Variants in IGFL2 observed in about 807,000 individuals in gnomAD.
IGFL2 encodes the protein IGF like family member 2.
IGFL2 carries 7 observed loss-of-function variants against 13.9 expected under a neutral mutation model. That is an observed-to-expected ratio of 0.51 (90% CI 0.29 to 0.95). The LOEUF (loss-of-function observed/expected upper bound fraction) is 0.95, where lower values mean the gene tolerates loss of function less well. Among genes scored for constraint, IGFL2 ranks in the 40% least tolerant of loss-of-function variants. The pLI, the probability that IGFL2 is intolerant of heterozygous loss-of-function variation, is 0.08. For missense variants in IGFL2, 138 were observed against 147.8 expected, an observed-to-expected ratio of 0.93 and a Z score of 0.34; for synonymous variants, 55 against 55.8, an observed-to-expected ratio of 0.99 and a Z score of 0.07.
chr19:46,118,984 C>T, the IGFL2 span, among the ~76,000 whole-genome samples: 18 of 152,122 alleles, frequency 1.2e-4, no homozygotes. Flanking sequence ...CTTATACATA[C>T]TCAAGATAAT....
the IGFL2 span, chr19:46,208,190 T>C: frequency 6.6e-6 from 1 of 152,294 alleles, no homozygotes; most frequent in Admixed American, 6.5e-5. Flanking sequence ...TTCCCAGCCC[T>C]TCCTCAGTCA....
the IGFL2 span, among the ~76,000 whole-genome samples, chr19:46,100,851 A>G: frequency 1.3e-5 from 2 of 151,906 alleles, no homozygotes; most frequent in Non-Finnish European, 2.9e-5. Context: ...ATTCTTTCTC[A>G]TCTTCATAAG....
the IGFL2 span, among the ~76,000 whole-genome samples, chr19:46,081,165 C>T: frequency 1.3e-5 from 2 of 152,182 alleles, no homozygotes; most frequent in Non-Finnish European, 2.9e-5. Flanking sequence ...AGATACATAA[C>T]GCTTATTTCA....
chr19:46,148,338 T>C, intron 1 of IGFL2, 41 bp downstream of exon 1: 2 of 1,512,254 alleles, frequency 1.3e-6, no homozygotes, highest in Non-Finnish European at 1.8e-6. Context: ...ATGCCTACTG[T>C]TATCCCTAAT....
the IGFL2 span, among the ~76,000 whole-genome samples, chr19:46,193,727 G>A: frequency 1.3e-5 from 2 of 152,146 alleles, no homozygotes; most frequent in African/African-American, 4.8e-5. Flanking sequence ...TGTGGTAACT[G>A]TTACAATATA....
At chr19:46,145,070 A>G (rs1053474548), upstream of IGFL2, among the ~76,000 whole-genome samples, 1 of 152,158 alleles carries the variant, frequency 6.6e-6, no homozygotes, top group African/African-American at 2.4e-5. Context: ...TGCTATTACA[A>G]GTAAAATACT....
the IGFL2 span, among the ~76,000 whole-genome samples, chr19:46,186,836 A>G: frequency 6.6e-6 from 1 of 152,238 alleles, no homozygotes; most frequent in Non-Finnish European, 1.5e-5. Flanking sequence ...TTAGGGGCAC[A>G]GGGAGTCCCT....
chr19:46,113,000 G>C, the IGFL2 span: 3 of 152,206 alleles, frequency 2.0e-5, no homozygotes, highest in Non-Finnish European at 4.4e-5. Flanking sequence ...AAAAGAAAAA[G>C]TCTATTAATA....
chr19:46,101,673 C>T, the IGFL2 span, among the ~76,000 whole-genome samples: 2,806 of 152,320 alleles, frequency 0.018, 94 homozygotes, highest in African/African-American at 0.063. Flanking sequence ...GGAGCTCAGA[C>T]GTCGTAAGCA....
intron 1 of IGFL2, among the ~76,000 whole-genome samples, chr19:46,151,415 G>A (rs1402618733): frequency 6.6e-6 from 1 of 152,112 alleles, no homozygotes; most frequent in Non-Finnish European, 1.5e-5. Context: ...ACAAATCTAA[G>A]GGTTTATTTT....
the IGFL2 span, among the ~76,000 whole-genome samples, chr19:46,182,093 G>A: frequency 6.6e-5 from 10 of 152,162 alleles, no homozygotes; most frequent in African/African-American, 2.2e-4. Context: ...TCTGGACCAG[G>A]CGCAGTGGCT....
chr19:46,138,754 A>G (rs550635429), upstream of IGFL2, among the ~76,000 whole-genome samples: 3 of 152,194 alleles, frequency 2.0e-5, no homozygotes, highest in Non-Finnish European at 2.9e-5. Flanking sequence ...TGTGGCGGGT[A>G]GGGAACTTGG....
the IGFL2 span, among the ~76,000 whole-genome samples, chr19:46,091,770 A>G: frequency 6.6e-6 from 1 of 152,238 alleles, no homozygotes; most frequent in Non-Finnish European, 1.5e-5. Context: ...AGAATTATTT[A>G]GCTAAAGAAA....
the IGFL2 span, chr19:46,120,365 A>G: frequency 1.2e-6 from 2 of 1,610,904 alleles, no homozygotes; most frequent in South Asian, 1.1e-5. Flanking sequence ...TTCCTATCAC[A>G]GTGCCCCAAA....
At chr19:46,164,417 T>C (rs945582142), downstream of IGFL2, among the ~76,000 whole-genome samples, 4 of 152,114 alleles carry the variant, frequency 2.6e-5, no homozygotes, top group Non-Finnish European at 5.9e-5. Context: ...AACAGCTAAG[T>C]CACCCAAACA....
At chr19:46,133,365 T>C in the IGFL2 span, among the ~76,000 whole-genome samples, 2 of 152,208 alleles carry the variant, frequency 1.3e-5, no homozygotes, top group Non-Finnish European at 2.9e-5. Context: ...TAACCTGATA[T>C]GCCACCCTAC....
the IGFL2 span, among the ~76,000 whole-genome samples, chr19:46,090,063 G>A: frequency 6.6e-6 from 1 of 151,574 alleles, no homozygotes; most frequent in East Asian, 1.9e-4. Flanking sequence ...TTTCCCCTCT[G>A]ATGGTACATT....
At chr19:46,129,221 C>T in the IGFL2 span, among the ~76,000 whole-genome samples, 1 of 150,634 alleles carries the variant, frequency 6.6e-6, no homozygotes, top group Non-Finnish European at 1.5e-5. Flanking sequence ...TTATTCGGAT[C>T]TTCCCTCTTC....
At chr19:46,139,708 G>A (rs78194066), upstream of IGFL2, among the ~76,000 whole-genome samples, 1 of 152,098 alleles carries the variant, frequency 6.6e-6, no homozygotes, top group African/African-American at 2.4e-5. Flanking sequence ...GTTCACAACT[G>A]TGGTGAAAGA....
Sources: gnomAD v4.1 joint callset for allele counts (sites outside exome capture counted in the v4.1 genomes callset) on GRCh38, gnomAD v4.1.1 for gene constraint, MANE v1.5 for transcripts, NCBI Gene and HGNC (gene_info 2026-07-23, HGNC 2026-07-21) for gene names.